Variants in WHRN observed in about 807,000 individuals in gnomAD.
WHRN encodes CASK-interacting protein CIP98.
WHRN carries 41 observed loss-of-function variants against 68.3 expected under a neutral mutation model. The ratio of observed to expected loss-of-function variants is 0.60; its 90% CI spans 0.47 to 0.78. WHRN has a LOEUF of 0.78. WHRN is among the 30% of genes least tolerant of loss of function. WHRN has a pLI of 0.00. For synonymous variants in WHRN, 560 were observed against 561.3 expected, an observed-to-expected ratio of 1.00 and a Z score of 0.03; for missense variants, 1,243 against 1,244.7, an observed-to-expected ratio of 1.00 and a Z score of 0.02.
chr9:114,457,909 C>G (rs1839940940), intron 3 of WHRN, among the ~76,000 whole-genome samples: 1 of 78,720 alleles, frequency 1.3e-5, no homozygotes, highest in Admixed American at 1.5e-4. Context: ...GAGCCAGACT[C>G]TGTTCAAAAA....
At position 114,504,449 on chromosome 9, in the gene WHRN, G is replaced by A. The variant is rs1294310381; in HGVS notation, c.353C>T (p.Ala118Val). ...GGCGGGCTGCCTGTAGGGGGTGGTG[G>A]CGGGCAGGTAGAGGCCCTCGGCCGT... ...QYTAEGLYLP[A>V]TTPYRQPAWG... The change falls in exon 1 of 12, where the codon GCC becomes GTC. Residue 118 changes from alanine (A) to valine (V), a missense_variant. Physicochemically the swap from Ala to Val is moderately conservative, Grantham distance 64. Transcript: ENST00000362057. 3.1e-6 allele frequency: 5 copies of A among 1,607,474 alleles called. No homozygotes were observed. Among genetic ancestry groups the A allele is most frequent in the Admixed American group, 1.7e-5 (1 of 60,004 alleles).
intron 1 of WHRN, among the ~76,000 whole-genome samples, chr9:114,481,019 GA>G (rs1008632846): frequency 3.3e-5 from 5 of 150,500 alleles, no homozygotes; most frequent in African/African-American, 9.8e-5. Flanking sequence ...CAATATCAGA[GA>G]AAAAAAAACA....
chr9:114,492,781 C>T (rs1843097180), intron 1 of WHRN, among the ~76,000 whole-genome samples: 1 of 151,868 alleles, frequency 6.6e-6, no homozygotes, highest in African/African-American at 2.4e-5. Context: ...AGCCCAAGAG[C>T]TCACGACCAG....
chr9:114,492,055 T>C (rs1191280002), intron 1 of WHRN, among the ~76,000 whole-genome samples: 1 of 149,908 alleles, frequency 6.7e-6, no homozygotes, highest in Admixed American at 6.7e-5. Context: ...ATTTAAGTTA[T>C]GTAAATTAAA....
chr9:114,445,568 T>C (rs552086143), intron 3 of WHRN, among the ~76,000 whole-genome samples: 2 of 152,264 alleles, frequency 1.3e-5, no homozygotes, highest in African/African-American at 4.8e-5. Context: ...GAAAAAATTG[T>C]GGGGAGACAA....
intron 2 of WHRN, among the ~76,000 whole-genome samples, chr9:114,467,962 G>C (rs1394819794): frequency 6.6e-6 from 1 of 152,148 alleles, no homozygotes; most frequent in Non-Finnish European, 1.5e-5. Flanking sequence ...TTTCTATTTC[G>C]GAAGTTATTC....
At chr9:114,418,304 AG>A (rs1030536410) in intron 7 of WHRN, among the ~76,000 whole-genome samples, 7 of 152,110 alleles carry the variant, frequency 4.6e-5, no homozygotes, top group African/African-American at 1.7e-4. Context: ...TGGGGAGAAG[AG>A]GGGTTCCCAG....
chr9:114,454,071 T>C (rs1027467130), intron 3 of WHRN, among the ~76,000 whole-genome samples: 5 of 152,184 alleles, frequency 3.3e-5, no homozygotes, highest in Admixed American at 3.3e-4. Context: ...AAAAATACTT[T>C]AAAAATTCAA....
chr9:114,484,614 T>C (rs1842342623), intron 1 of WHRN, among the ~76,000 whole-genome samples: 1 of 152,214 alleles, frequency 6.6e-6, no homozygotes, highest in Non-Finnish European at 1.5e-5. Context: ...TGTTATCACG[T>C]GTTTACTGGT....
At chr9:114,495,640 A>C (rs1274127817) in intron 1 of WHRN, among the ~76,000 whole-genome samples, 3 of 152,188 alleles carry the variant, frequency 2.0e-5, no homozygotes, top group Non-Finnish European at 4.4e-5. Flanking sequence ...CATTTGGGGA[A>C]AGAGGAATTT....
chr9:114,447,226 T>A (rs1023822266), intron 3 of WHRN, among the ~76,000 whole-genome samples: 6 of 152,154 alleles, frequency 3.9e-5, no homozygotes, highest in Admixed American at 3.9e-4. Flanking sequence ...TCACCTGGAC[T>A]GACTGCTCCC....
chr9:114,466,271 A>G lies in WHRN; in HGVS notation c.959T>C (p.Leu320Pro). 1 of 1,613,966 alleles carries G rather than the reference A, an allele frequency of 6.2e-7. No homozygotes were observed. The highest frequency in any genetic ancestry group is 8.5e-7 in the Non-Finnish European group (1 of 1,180,018). Reference sequence around the variant, plus strand: ...CTCCCTCAGGCCCTCCCTCACCTTGAGCCCGCTGCCTTCTGCTTCAGAGCC... The same window carrying G: ...CTCCCTCAGGCCCTCCCTCACCTTGGGCCCGCTGCCTTCTGCTTCAGAGCC... The part of the protein sequence containing the change: ...DPGSEAEGSG[L>P]KVGDQILEVN... Residue 320 changes from leucine to proline, a missense_variant, in exon 3 of 12, where the codon CTC becomes CCC. By Grantham distance (98) the Leu-to-Pro change is moderately conservative (BLOSUM62 -3). Coordinates refer to ENST00000362057, the MANE Select transcript of WHRN (RefSeq NM_015404.4).
At chr9:114,452,294 G>C (rs985549917) in intron 3 of WHRN, among the ~76,000 whole-genome samples, 1 of 152,154 alleles carries the variant, frequency 6.6e-6, no homozygotes. Context: ...CAGAAACATC[G>C]GGCAGGTGTC....
chr9:114,403,115 T>C, intron 11 of WHRN, 102 bp downstream of exon 11: 1 of 1,577,636 alleles, frequency 6.3e-7, no homozygotes, highest in Non-Finnish European at 8.7e-7. Context: ...GGTCTGCCCT[T>C]GAGTGCCGTG....
intron 8 of WHRN, among the ~76,000 whole-genome samples, chr9:114,407,441 A>G (rs1461602156): frequency 1.3e-5 from 2 of 152,158 alleles, no homozygotes; most frequent in East Asian, 3.9e-4. Flanking sequence ...AGCCACGTGA[A>G]TACTGTTAGC....
intron 3 of WHRN, among the ~76,000 whole-genome samples, chr9:114,463,145 G>A (rs368035765): frequency 5.3e-5 from 8 of 152,240 alleles, no homozygotes; most frequent in Admixed American, 1.3e-4. Flanking sequence ...TGAGGCCTCC[G>A]AAGGAGGAAT....
chr9:114,433,941 A>C (rs1244411108), intron 3 of WHRN, among the ~76,000 whole-genome samples: 5 of 152,146 alleles, frequency 3.3e-5, no homozygotes, highest in Non-Finnish European at 7.4e-5. Context: ...TGCTTACTCT[A>C]TTCACCACAC....
At chr9:114,426,689 A>G (rs1481815489) in intron 3 of WHRN, among the ~76,000 whole-genome samples, 1 of 152,176 alleles carries the variant, frequency 6.6e-6, no homozygotes, top group Non-Finnish European at 1.5e-5. Context: ...ATGACATTCC[A>G]AGGGTCCCCT....
chr9:114,423,000 C>A (rs141933507), intron 7 of WHRN, among the ~76,000 whole-genome samples: 1 of 152,008 alleles, frequency 6.6e-6, no homozygotes, highest in African/African-American at 2.4e-5. Flanking sequence ...TTCTAATGAT[C>A]TTTTTCTATT....
Sources: gnomAD v4.1 joint callset for allele counts (sites outside exome capture counted in the v4.1 genomes callset) on GRCh38, gnomAD v4.1.1 for gene constraint, MANE v1.5 for transcripts, NCBI Gene and HGNC (gene_info 2026-07-23, HGNC 2026-07-21) for gene names.